Variants in NRCAM observed in about 807,000 individuals in gnomAD.
NRCAM encodes the protein neuronal cell adhesion molecule.
A neutral mutation model predicts 156.5 loss-of-function variants in NRCAM; 83 were observed. That is an observed-to-expected ratio of 0.53 (90% CI 0.44 to 0.64). NRCAM has a LOEUF of 0.64. Among genes scored for constraint, NRCAM ranks in the 30% least tolerant of loss-of-function variants. NRCAM has a pLI of 0.00. For synonymous variants in NRCAM, 538 were observed against 563.9 expected (o/e 0.95, Z 0.65); for missense variants, 1,417 against 1,597.3 (o/e 0.89, Z 1.92).
chr7:108,360,960 A>G (rs1031477669), intron 2 of NRCAM, among the ~76,000 whole-genome samples: 19 of 152,316 alleles, frequency 1.2e-4, no homozygotes, highest in Admixed American at 7.2e-4. Flanking sequence ...ACAAAAGAAA[A>G]TAACACTCAT....
At chr7:108,359,731 C>T (rs769430334) in intron 2 of NRCAM, among the ~76,000 whole-genome samples, 11 of 152,010 alleles carry the variant, frequency 7.2e-5, no homozygotes, top group Non-Finnish European at 1.5e-4. Flanking sequence ...GGTATAATTC[C>T]AAACAGAAAA....
chr7:108,183,311 T>C (rs1349704785), intron 22 of NRCAM, among the ~76,000 whole-genome samples: 1 of 152,226 alleles, frequency 6.6e-6, no homozygotes, highest in Non-Finnish European at 1.5e-5. Context: ...TTTTCCTCTT[T>C]ATTAAAAAAA....
chr7:108,198,009 T>C lies in NRCAM; in HGVS notation c.1298A>G (p.Asn433Ser), dbSNP rs372351591. The change falls in exon 14 of 33, where the codon AAT (asparagine) becomes AGT (serine). Residue 433 changes from asparagine (N) to serine (S), a missense_variant. Physicochemically the swap from Asn to Ser is conservative, Grantham distance 46 (BLOSUM62 1). This residue lies in a region of NRCAM where 1,238 missense variants were observed against 1,336.4 expected (regional missense o/e 0.93). Coordinates refer to ENST00000379028, the MANE Select transcript of NRCAM (RefSeq NM_001037132.4). ...TAAATATCCATATTCATTAGAGGCA[T>C]TGCACTGATAGACTGCACTTGATCT... ...QERSSAVYQC[N>S]ASNEYGYLLA... The C allele has an allele frequency of 3.5e-5, 55 of 1,590,734 alleles. No individual in the cohort carries two copies. The highest frequency in any genetic ancestry group is 5.4e-5 in the African/African-American group (4 of 74,160).
chr7:108,262,732 C>A (rs1202952089), intron 3 of NRCAM, among the ~76,000 whole-genome samples: 1 of 152,228 alleles, frequency 6.6e-6, no homozygotes, highest in Non-Finnish European at 1.5e-5. Context: ...CCTTCTCCAT[C>A]TCCTTTGGAA....
chr7:108,443,879 T>TATAGATGGATAGATAGATAGATAG (rs1841385034), intron 1 of NRCAM, among the ~76,000 whole-genome samples: 1 of 148,130 alleles, frequency 6.8e-6, no homozygotes, highest in Non-Finnish European at 1.5e-5. Context: ...AGTATACAGA[T>TATAGATGGATAGATAGATAGATAG]ATAGATAGAT....
At chr7:108,205,248 C>G (rs2080492440) in intron 13 of NRCAM, among the ~76,000 whole-genome samples, 1 of 152,198 alleles carries the variant, frequency 6.6e-6, no homozygotes, top group Non-Finnish European at 1.5e-5. Flanking sequence ...CTGTGAGGAA[C>G]AGGCCATCAC....
chr7:108,454,895 G>C (rs2154506143), intron 1 of NRCAM, among the ~76,000 whole-genome samples: 1 of 152,354 alleles, frequency 6.6e-6, no homozygotes, highest in African/African-American at 2.4e-5. Context: ...TCTCAGGACA[G>C]TTCTGCGCCG....
At chr7:108,395,269 C>T (rs1417399135) in intron 2 of NRCAM, among the ~76,000 whole-genome samples, 1 of 152,080 alleles carries the variant, frequency 6.6e-6, no homozygotes, top group East Asian at 1.9e-4. Context: ...TAATAATAAA[C>T]CTGAATCAAG....
intron 1 of NRCAM, among the ~76,000 whole-genome samples, chr7:108,416,121 CTGA>C (rs1216905236): frequency 6.6e-6 from 1 of 152,238 alleles, no homozygotes; most frequent in Non-Finnish European, 1.5e-5. Flanking sequence ...GGGCCAGCTG[CTGA>C]TGTGAGCCCA....
chr7:108,419,087 T>C (rs1311155293), intron 1 of NRCAM, among the ~76,000 whole-genome samples: 1 of 152,176 alleles, frequency 6.6e-6, no homozygotes, highest in Non-Finnish European at 1.5e-5. Flanking sequence ...GCTTATCGTA[T>C]GTATTTCCTT....
At chr7:108,314,342 T>A (rs755338818) in intron 2 of NRCAM, among the ~76,000 whole-genome samples, 91 of 152,310 alleles carry the variant, frequency 6.0e-4, no homozygotes, top group South Asian at 2.1e-3. Flanking sequence ...AAAACACATT[T>A]AGGTCAAGAG....
intron 11 of NRCAM, among the ~76,000 whole-genome samples, chr7:108,218,055 C>T (rs934157347): frequency 6.6e-6 from 1 of 152,144 alleles, no homozygotes; most frequent in Admixed American, 6.5e-5. Context: ...GGTGTAGGCA[C>T]CCCAGGGAAT....
chr7:108,151,655 A>C (rs934770540), intron 32 of NRCAM, among the ~76,000 whole-genome samples: 1 of 152,204 alleles, frequency 6.6e-6, no homozygotes, highest in African/African-American at 2.4e-5. Flanking sequence ...CTAATAAACA[A>C]CTGGAGAGGT....
Position 108,191,692 on chromosome 7 carries a change from G to A in NRCAM, c.1903+37C>T, listed in dbSNP as rs552110113. On this transcript the variant is annotated intron_variant, in intron 18 of 32. Transcript: ENST00000379028. ...TATTTTTTCTTTTCAACCAAATGCA[G>A]GGAAGCCAGTTGTGCTATTTTTGTT... The A allele has an allele frequency of 2.9e-4, 451 of 1,553,170 alleles. 4 individuals carry two copies. In the South Asian group the frequency reaches 5.1e-3, roughly 18 times the overall value.
intron 2 of NRCAM, among the ~76,000 whole-genome samples, chr7:108,393,318 C>T (rs1170376188): frequency 6.6e-6 from 1 of 152,198 alleles, no homozygotes. Flanking sequence ...TCTCAGACTG[C>T]TGTGCTAGCA....
At chr7:108,408,880 A>G (rs2154407317) in intron 1 of NRCAM, among the ~76,000 whole-genome samples, 1 of 152,272 alleles carries the variant, frequency 6.6e-6, no homozygotes. Flanking sequence ...GGATGACTGT[A>G]GAGGCGGGGC....
intron 2 of NRCAM, among the ~76,000 whole-genome samples, chr7:108,320,717 A>G (rs954432077): frequency 1.3e-5 from 2 of 152,244 alleles, no homozygotes; most frequent in Non-Finnish European, 2.9e-5. Context: ...ATTAGTATCT[A>G]AGAACTTGAA....
At chr7:108,369,000 T>C (rs1595401125) in intron 2 of NRCAM, among the ~76,000 whole-genome samples, 1 of 152,174 alleles carries the variant, frequency 6.6e-6, no homozygotes, top group African/African-American at 2.4e-5. Context: ...ATTTTAAAAG[T>C]ACCAAGAAGA....
chr7:108,174,879 C>T (rs2059895850), intron 28 of NRCAM, among the ~76,000 whole-genome samples: 1 of 152,204 alleles, frequency 6.6e-6, no homozygotes, highest in Non-Finnish European at 1.5e-5. Flanking sequence ...CAATGGCAGC[C>T]GAGTGTACAC....
Sources: allele counts gnomAD v4.1 joint callset (sites outside exome capture counted in the v4.1 genomes callset), GRCh38; gene constraint gnomAD v4.1.1; regional missense constraint gnomAD v4.1.1; transcripts MANE v1.5; gene names NCBI Gene and HGNC (gene_info 2026-07-23, HGNC 2026-07-21).